The following CFAP70 variants were observed in gnomAD, a reference collection of about 807,000 sequenced individuals.
CFAP70 encodes cilia- and flagella-associated protein 70.
Under a neutral mutation model 137.6 loss-of-function variants are expected in CFAP70, and 81 were observed. The observed-to-expected ratio is 0.59, with a 90% confidence interval of 0.49 to 0.71. The LOEUF (loss-of-function observed/expected upper bound fraction) is 0.71, where lower values mean the gene tolerates loss of function less well. Among genes scored for constraint, CFAP70 ranks in the 30% least tolerant of loss-of-function variants. The pLI is 0.00. For synonymous variants in CFAP70, 382 were observed against 423.6 expected, an observed-to-expected ratio of 0.90 and a Z score of 1.20; for missense variants, 976 against 1,226.7, an observed-to-expected ratio of 0.80 and a Z score of 3.05.
At position 73,316,220 on chromosome 10, in the gene CFAP70, G is replaced by T. The variant is rs78785722; in HGVS notation, c.913-3577C>A. On this transcript the variant is annotated intron_variant, in intron 9 of 26. Coordinates refer to ENST00000310715, the Ensembl canonical transcript of CFAP70. ...ACTTCTGTGTATTTGAACCTAAGGTGTGTCTACTATAAACAGTATATAGTT... is the reference window on the plus strand; with the variant it reads ...ACTTCTGTGTATTTGAACCTAAGGTTTGTCTACTATAAACAGTATATAGTT... Among the ~76,000 whole-genome samples the T allele has an allele frequency of 1.6e-3, 245 of 151,988 alleles. 4 individuals are homozygous for T. In the East Asian group the frequency reaches 0.033, roughly 20 times the overall value.
At position 73,275,935 on chromosome 10, in the gene CFAP70, G is replaced by A. The variant is rs1166457278; in HGVS notation, c.2521-337C>T. 1 of 165,150 alleles carries A rather than the reference G, an allele frequency of 6.1e-6. No homozygotes were observed. 10.2% of individuals were successfully genotyped at this position (165,150 alleles called of 1,614,324 possible). ...ATCATCAACCACCCCATTTACAAAG[G>A]AGGTAACATTTTCAGGCAGCTGACA... is the stretch of plus-strand genomic sequence containing the variant. On this transcript the variant is annotated intron_variant, in intron 21 of 26. Coordinates refer to ENST00000310715, the Ensembl canonical transcript of CFAP70. The surrounding 1 kb of genome is among the most constrained non-coding windows in gnomAD (Gnocchi z 4.0).
At chr10:73,333,335 G>T (rs1267847020) in intron 7 of CFAP70, among the ~76,000 whole-genome samples, 1 of 151,928 alleles carries the variant, frequency 6.6e-6, no homozygotes, top group African/African-American at 2.4e-5. Flanking sequence ...AAGAGCAGAA[G>T]AAATATTTGA....
At chr10:73,276,379 A>C (rs1008043414) in intron 21 of CFAP70, 1 of 152,190 alleles carries the variant, frequency 6.6e-6, no homozygotes, top group African/African-American at 2.4e-5. Flanking sequence ...AAAATTCTAC[A>C]TTATACTTAC....
At chr10:73,285,796 G>C (rs1036745338) in intron 19 of CFAP70, among the ~76,000 whole-genome samples, 7 of 151,940 alleles carry the variant, frequency 4.6e-5, no homozygotes, top group Admixed American at 3.3e-4. Flanking sequence ...CACCACACCT[G>C]GCTAGTTTTT....
intron 5 of CFAP70, among the ~76,000 whole-genome samples, chr10:73,341,860 G>A (rs1234900455): frequency 6.6e-6 from 1 of 152,178 alleles, no homozygotes; most frequent in Non-Finnish European, 1.5e-5. Flanking sequence ...TTTCCCTGAA[G>A]CTAATGACAA....
intron 6 of CFAP70, 51 bp downstream of exon 7, chr10:73,341,348 A>C: frequency 6.8e-7 from 1 of 1,473,656 alleles, no homozygotes; most frequent in Non-Finnish European, 9.2e-7. Context: ...ATGTTTTATC[A>C]TCTGTCAGTA....
At chr10:73,279,820 T>C (rs563022126) in intron 19 of CFAP70, among the ~76,000 whole-genome samples, 1 of 151,920 alleles carries the variant, frequency 6.6e-6, no homozygotes, top group African/African-American at 2.4e-5. Context: ...ATTTTGCCAC[T>C]GCACTCTGGC....
intron 5 of CFAP70, among the ~76,000 whole-genome samples, chr10:73,343,319 C>A (rs2053434377): frequency 6.6e-6 from 1 of 152,100 alleles, no homozygotes; most frequent in Admixed American, 6.5e-5. Context: ...GCTGCGCCAA[C>A]CCAGGAAATG....
At chr10:73,307,186 T>C (rs1269671370) in intron 12 of CFAP70, among the ~76,000 whole-genome samples, 1 of 151,836 alleles carries the variant, frequency 6.6e-6, no homozygotes, top group Non-Finnish European at 1.5e-5. Context: ...TCCAAGTTAA[T>C]TACTAAGACA....
At chr10:73,312,592 T>C (rs1267857185) in exon 10 of CFAP70, 1 of 1,610,388 alleles carries the variant, frequency 6.2e-7, no homozygotes, top group South Asian at 1.1e-5. Flanking sequence ...ATTTTATTAT[T>C]ATGAATCAAG....
chr10:73,269,850 A>G (rs1340008698), intron 24 of CFAP70, 135 bp from the exon 26 acceptor site: 1 of 567,278 alleles, frequency 1.8e-6, no homozygotes, highest in Non-Finnish European at 3.2e-6. Flanking sequence ...TCTTCAAAGG[A>G]AATCTTATGT....
At chr10:73,321,342 C>A (rs1030471274) in intron 9 of CFAP70, among the ~76,000 whole-genome samples, 1 of 152,028 alleles carries the variant, frequency 6.6e-6, no homozygotes, top group African/African-American at 2.4e-5. Context: ...TGCTTGAACC[C>A]GGGAGAAAGA....
At chr10:73,258,992 C>T (rs2044836534) in intron 25 of CFAP70, among the ~76,000 whole-genome samples, 1 of 152,218 alleles carries the variant, frequency 6.6e-6, no homozygotes, top group South Asian at 2.1e-4. Context: ...TGATCTCGCT[C>T]TGCCCCCATT....
chr10:73,291,554 A>G, intron 18 of CFAP70, 86 bp downstream of exon 19: 1 of 1,479,616 alleles, frequency 6.8e-7, no homozygotes, highest in South Asian at 1.2e-5. Context: ...TAAGAACTAC[A>G]TGATGAGCCA....
At chr10:73,342,663 T>C (rs919751384) in intron 5 of CFAP70, among the ~76,000 whole-genome samples, 17 of 152,044 alleles carry the variant, frequency 1.1e-4, no homozygotes, top group Non-Finnish European at 2.1e-4. Context: ...TCCAACACTA[T>C]AGCAAACTAA....
Position 73,348,415 on chromosome 10 carries a change from C to T in CFAP70, c.349+8G>A, listed in dbSNP as rs377312197. The T allele has an allele frequency of 5.6e-5, 89 of 1,603,126 alleles. No individual in the cohort carries two copies. The highest frequency in any genetic ancestry group is 3.4e-5 in the Admixed American group (2 of 59,296). Reference sequence around the variant, plus strand: ...CATTTCTGCTTTTGGGCAAAGCACACATCTGACCTTCCAGTAAGGGAAGAA... The same window carrying T: ...CATTTCTGCTTTTGGGCAAAGCACATATCTGACCTTCCAGTAAGGGAAGAA... On this transcript the variant is annotated splice_region_variant and intron_variant, in intron 4 of 26. Coordinates refer to ENST00000310715, the Ensembl canonical transcript of CFAP70.
At chr10:73,299,173 A>T in intron 13 of CFAP70, 72 bp from the exon 15 acceptor site, 2 of 1,138,914 alleles carry the variant, frequency 1.8e-6, no homozygotes, top group Non-Finnish European at 2.5e-6. Context: ...CTAAAACTGG[A>T]TTTGGTTTTA....
intron 19 of CFAP70, among the ~76,000 whole-genome samples, chr10:73,282,701 AATAAGTT>A (rs2047353433): frequency 6.6e-6 from 1 of 151,276 alleles, no homozygotes; most frequent in African/African-American, 2.4e-5. Context: ...ATGCCCAGCT[AATAAGTT>A]ATATTTTTAT....
At chr10:73,344,825 TTACA>T (rs2053572341) in intron 5 of CFAP70, among the ~76,000 whole-genome samples, 1 of 152,046 alleles carries the variant, frequency 6.6e-6, no homozygotes, top group African/African-American at 2.4e-5. Context: ...ATTTTAAATC[TTACA>T]TATTTTCCAC....
Sources: allele counts gnomAD v4.1 joint callset (sites outside exome capture counted in the v4.1 genomes callset), GRCh38; gene constraint gnomAD v4.1.1; non-coding constraint Gnocchi (gnomAD v3.1); transcripts MANE v1.5; gene names NCBI Gene and HGNC (gene_info 2026-07-23, HGNC 2026-07-21).